Variants in DFFB observed in about 807,000 individuals in gnomAD.
The protein encoded by DFFB is DNA fragmentation factor subunit beta.
Under a neutral mutation model 32.7 loss-of-function variants are expected in DFFB, and 29 were observed. That is an observed-to-expected ratio of 0.89 (90% CI 0.66 to 1.21). The LOEUF is 1.21. Among genes scored for constraint, DFFB ranks in the 50% most tolerant of loss-of-function variants. DFFB has a pLI of 0.00. For synonymous variants in DFFB, 170 were observed against 177.1 expected, an observed-to-expected ratio of 0.96 and a Z score of 0.32; for missense variants, 398 against 440.6, an observed-to-expected ratio of 0.90 and a Z score of 0.87.
chr1:3,881,869 CA>C (rs77630554), intron 6 of DFFB, among the ~76,000 whole-genome samples: 74,682 of 139,524 alleles, frequency 0.54, 18,947 homozygotes, highest in Non-Finnish European at 0.57. Context: ...GACTCTGTTT[CA>C]AAAAAAAAAA....
chr1:3,864,447 C>T (rs1339577187), intron 2 of DFFB, among the ~76,000 whole-genome samples: 1 of 152,198 alleles, frequency 6.6e-6, no homozygotes, highest in Non-Finnish European at 1.5e-5. Context: ...TTAATTTTAG[C>T]CATTCTGATT....
intron 5 of DFFB, 108 bp downstream of exon 5, chr1:3,869,883 G>C (rs1570919314): frequency 8.2e-7 from 1 of 1,213,064 alleles, no homozygotes; most frequent in Non-Finnish European, 1.1e-6. Context: ...CCTGGGCAAA[G>C]CCTTGTGAAG....
At chr1:3,874,572 C>T (rs113063066) in intron 6 of DFFB, among the ~76,000 whole-genome samples, 8 of 42,530 alleles carry the variant, frequency 1.9e-4, no homozygotes, top group African/African-American at 4.3e-4. Flanking sequence ...TGGCCTCCCA[C>T]GCTGTGGTCT....
intron 6 of DFFB, among the ~76,000 whole-genome samples, chr1:3,877,601 A>G (rs1645250954): frequency 6.6e-6 from 1 of 152,204 alleles, no homozygotes; most frequent in Admixed American, 6.5e-5. Flanking sequence ...AAGTGCTGGG[A>G]TCACAGGTGT....
intron 5 of DFFB, among the ~76,000 whole-genome samples, chr1:3,870,897 C>A (rs897542214): frequency 6.6e-6 from 1 of 152,180 alleles, no homozygotes; most frequent in African/African-American, 2.4e-5. Context: ...CAAGTAGGCA[C>A]TGGGGCTCCC....
chr1:3,858,878 G>A (rs1254396042), intron 2 of DFFB, 34 bp downstream of exon 2: 8 of 1,609,564 alleles, frequency 5.0e-6, no homozygotes, highest in Admixed American at 3.3e-5. Flanking sequence ...TGGGCGGGAA[G>A]CTGGCACTCT....
intron 2 of DFFB, among the ~76,000 whole-genome samples, chr1:3,860,221 C>T (rs973136447): frequency 6.6e-6 from 1 of 152,080 alleles, no homozygotes; most frequent in Non-Finnish European, 1.5e-5. Flanking sequence ...AGCCACTGTG[C>T]CTGGCCAAAA....
At chr1:3,870,971 G>A (rs1167962675) in intron 5 of DFFB, among the ~76,000 whole-genome samples, 2 of 152,232 alleles carry the variant, frequency 1.3e-5, no homozygotes, top group African/African-American at 4.8e-5. Context: ...GCGGACCACA[G>A]GGAAGACGGA....
Position 3,872,505 on chromosome 1 carries a change from C to T in DFFB, c.715C>T (p.His239Tyr). 1 of 1,614,094 alleles carries T rather than the reference C, an allele frequency of 6.2e-7. No individual in the cohort carries two copies. Among genetic ancestry groups the T allele is most frequent in the Non-Finnish European group, 8.5e-7 (1 of 1,180,002 alleles). ...PFDMDSCLSR[H>Y]SINPYSNRES... ...TGACATGGACAGCTGCTTATCAAGA[C>T]ACTCCATCAACCCCTACAGTAACAG... Residue 239 changes from histidine (H) to tyrosine (Y), a missense_variant, in exon 6 of 7, where the codon CAC (histidine) becomes TAC (tyrosine). By Grantham distance (83) the His-to-Tyr change is moderately conservative (BLOSUM62 2). Coordinates refer to ENST00000378209, the MANE Select transcript of DFFB (RefSeq NM_004402.4).
At chr1:3,869,469 G>A (rs77937786) in intron 4 of DFFB, 136 bp from the exon 5 acceptor site, 10 of 899,532 alleles carry the variant, frequency 1.1e-5, no homozygotes, top group African/African-American at 3.3e-5. Context: ...GAGAGGCCAC[G>A]TGAACTCAGA....
chr1:3,860,047 A>G (rs1019744493), intron 2 of DFFB, among the ~76,000 whole-genome samples: 15 of 151,746 alleles, frequency 9.9e-5, no homozygotes, highest in African/African-American at 3.2e-4. Flanking sequence ...CTTCGCTGAG[A>G]CCGCTAGTCC....
At chr1:3,873,038 A>T (rs1645152017) in intron 6 of DFFB, 1 of 1,218,854 alleles carries the variant, frequency 8.2e-7, no homozygotes, top group Non-Finnish European at 1.1e-6. Flanking sequence ...TCTGTGGCCC[A>T]GGCTAAAGTG....
At chr1:3,858,540 G>A (rs932581442) in intron 1 of DFFB, among the ~76,000 whole-genome samples, 178 bp from the exon 2 acceptor site, 2 of 152,256 alleles carry the variant, frequency 1.3e-5, no homozygotes, top group African/African-American at 4.8e-5. Context: ...CCGCAGTCAG[G>A]CGCCCTTGCT....
At chr1:3,869,560 G>C in intron 4 of DFFB, 45 bp from the exon 5 acceptor site, 1 of 1,572,018 alleles carries the variant, frequency 6.4e-7, no homozygotes, top group East Asian at 2.3e-5. Flanking sequence ...TGCGGGTTTT[G>C]GGGCGCTGTG....
At chr1:3,857,840 G>A in intron 1 of DFFB, 123 bp downstream of exon 1, 2 of 672,422 alleles carry the variant, frequency 3.0e-6, no homozygotes, top group Non-Finnish European at 4.6e-6. Flanking sequence ...GTTTTCGTTC[G>A]CCTCAGCCGC....
Position 3,883,594 on chromosome 1 carries a change from T to C in DFFB, c.870T>C (p.Tyr290=). The C allele has an allele frequency of 1.2e-6, 2 of 1,614,196 alleles. No homozygotes were observed. The highest frequency in any genetic ancestry group is 8.5e-7 in the Non-Finnish European group (1 of 1,180,018). Residue 290 remains tyrosine (Y), a synonymous_variant, in exon 7 of 7, where the codon TAT becomes TAC. Transcript: ENST00000378209. Reference sequence around the variant, plus strand: ...GAGAAGTGGACTGGGAGTATTTTTATGGCCTGCTTTTTACCTCAGAGAACC... The same window carrying C: ...GAGAAGTGGACTGGGAGTATTTTTACGGCCTGCTTTTTACCTCAGAGAACC... ...DGREVDWEYF[Y]GLLFTSENLK... is the part of the protein sequence containing the mutation.
At chr1:3,883,308 A>G (rs892526466) in intron 6 of DFFB, among the ~76,000 whole-genome samples, 199 bp from the exon 7 acceptor site, 2 of 152,192 alleles carry the variant, frequency 1.3e-5, no homozygotes, top group Non-Finnish European at 2.9e-5. Context: ...CCCGGCCACA[A>G]GTCAAGTTTT....
intron 3 of DFFB, chr1:3,867,672 G>C: frequency 3.1e-6 from 1 of 326,610 alleles, no homozygotes; most frequent in Non-Finnish European, 5.9e-6. Context: ...AGGTAACAAA[G>C]TGAGACCTCA....
intron 6 of DFFB, among the ~76,000 whole-genome samples, chr1:3,878,531 A>C (rs1239618569): frequency 6.6e-6 from 1 of 152,210 alleles, no homozygotes; most frequent in East Asian, 1.9e-4. Flanking sequence ...GTTTGTACCC[A>C]CCATGCCGCA....
Sources: allele counts gnomAD v4.1 joint callset (sites outside exome capture counted in the v4.1 genomes callset), GRCh38; gene constraint gnomAD v4.1.1; transcripts MANE v1.5; gene names NCBI Gene and HGNC (gene_info 2026-07-23, HGNC 2026-07-21).